Variants in KPNA4 observed in about 807,000 individuals in gnomAD.
KPNA4 encodes the protein karyopherin subunit alpha 4, also known as importin subunit alpha-3.
KPNA4 carries 13 observed loss-of-function variants against 71.3 expected under a neutral mutation model. The observed-to-expected ratio is 0.18, with a 90% confidence interval of 0.12 to 0.29. The LOEUF is 0.29. Among genes scored for constraint, KPNA4 ranks in the 10% least tolerant of loss-of-function variants. The probability of loss-of-function intolerance (pLI) is 1.00; values close to 1 mark genes in which losing one functional copy is unlikely to be tolerated. For synonymous variants in KPNA4, 189 were observed against 195.2 expected, an observed-to-expected ratio of 0.97 and a Z score of 0.26; for missense variants, 334 against 603.2, an observed-to-expected ratio of 0.55 and a Z score of 4.67.
chr3:160,553,626 T>G (rs1159564522), intron 1 of KPNA4, among the ~76,000 whole-genome samples: 2 of 152,172 alleles, frequency 1.3e-5, no homozygotes, highest in Non-Finnish European at 2.9e-5. Context: ...GTTCCTTGCA[T>G]TCTTAAAAGC....
chr3:160,505,079 A>G (rs1394687024), intron 15 of KPNA4, 27 bp from the exon 16 acceptor site: 1 of 1,238,134 alleles, frequency 8.1e-7, no homozygotes, highest in Admixed American at 2.3e-5. Flanking sequence ...AATGTGAAAC[A>G]ATAGTAATAT....
intron 1 of KPNA4, among the ~76,000 whole-genome samples, chr3:160,549,027 A>C (rs1209508669): frequency 6.6e-6 from 1 of 152,182 alleles, no homozygotes; most frequent in African/African-American, 2.4e-5. Flanking sequence ...GCATTTCCCT[A>C]ATGATTACTG....
intron 10 of KPNA4, among the ~76,000 whole-genome samples, chr3:160,522,624 A>C (rs1005736548): frequency 6.6e-6 from 1 of 152,136 alleles, no homozygotes; most frequent in Non-Finnish European, 1.5e-5. Flanking sequence ...CGCCTGGCTA[A>C]GTTTTGGCAT....
intron 1 of KPNA4, among the ~76,000 whole-genome samples, chr3:160,540,138 T>C (rs1055792412): frequency 1.3e-5 from 2 of 151,800 alleles, no homozygotes; most frequent in African/African-American, 4.8e-5. Context: ...TAGCTGGGAC[T>C]ACAGGCTCAT....
At position 160,531,775 on chromosome 3, in the gene KPNA4, T is replaced by C. The variant is rs548784744; in HGVS notation, c.288-218A>G. ...TGACAAATAATTAGAAAAATAAGAA[T>C]GTAGATATGAACCACTTTACTACCT... On this transcript the variant is annotated intron_variant, in intron 5 of 16. Coordinates refer to ENST00000334256, the MANE Select transcript of KPNA4 (RefSeq NM_002268.5). 9.8e-5 allele frequency among the ~76,000 whole-genome samples: 15 copies of C among 152,296 alleles called. No homozygotes were observed. In the East Asian group the frequency reaches 2.3e-3, roughly 23 times the overall value.
At chr3:160,542,913 T>C (rs1721831152) in intron 1 of KPNA4, among the ~76,000 whole-genome samples, 1 of 152,200 alleles carries the variant, frequency 6.6e-6, no homozygotes, top group South Asian at 2.1e-4. Context: ...TATTAGTACA[T>C]AAATATAATT....
chr3:160,559,589 T>C (rs1026387420), intron 1 of KPNA4, among the ~76,000 whole-genome samples: 4 of 152,296 alleles, frequency 2.6e-5, no homozygotes, highest in Admixed American at 1.3e-4. Flanking sequence ...AGTTCACTCA[T>C]GTGGCTTCAG....
Position 160,550,269 on chromosome 3 carries a change from C to A in KPNA4, c.70-13429G>T, listed in dbSNP as rs1032551135. Among the ~76,000 whole-genome samples, 5 of 152,218 alleles carry A rather than the reference C, an allele frequency of 3.3e-5. No homozygotes were observed. In the East Asian group the frequency reaches 9.7e-4, roughly 29 times the overall value. On this transcript the variant is annotated intron_variant, in intron 1 of 16. Transcript: ENST00000334256. ...GAAGAGAAATGCCAAGGGTGAGCAT[C>A]CTTGTTTGTTTTGTTTTGAAAGAGT...
chr3:160,516,507 C>A (rs1413251908), intron 11 of KPNA4, among the ~76,000 whole-genome samples: 1 of 151,646 alleles, frequency 6.6e-6, no homozygotes, highest in Non-Finnish European at 1.5e-5. Context: ...CAGCTAGGTG[C>A]AGTGGCTCAC....
chr3:160,531,636 T>C (rs1721576870), intron 5 of KPNA4, 79 bp from the exon 6 acceptor site: 4 of 686,988 alleles, frequency 5.8e-6, no homozygotes, highest in Non-Finnish European at 9.1e-6. Context: ...ATTTGACAAA[T>C]ATTAACATAA....
At chr3:160,550,213 C>A (rs1257448963) in intron 1 of KPNA4, among the ~76,000 whole-genome samples, 1 of 152,218 alleles carries the variant, frequency 6.6e-6, no homozygotes, top group East Asian at 1.9e-4. Flanking sequence ...TCTTGCCCAA[C>A]TGCTCTAGCT....
At chr3:160,547,072 C>T (rs549969800) in intron 1 of KPNA4, among the ~76,000 whole-genome samples, 7 of 152,022 alleles carry the variant, frequency 4.6e-5, no homozygotes, top group Admixed American at 4.6e-4. Context: ...AGTATGTAGG[C>T]GACATGTGCA....
chr3:160,531,578 C>A (rs1316845808), intron 5 of KPNA4, 21 bp from the exon 6 acceptor site: 1 of 1,246,454 alleles, frequency 8.0e-7, no homozygotes, highest in South Asian at 1.5e-5. Flanking sequence ...TAAAAACACT[C>A]CTGTGAAACT....
chr3:160,523,541 A>G (rs1721399731), intron 10 of KPNA4, among the ~76,000 whole-genome samples: 1 of 151,808 alleles, frequency 6.6e-6, no homozygotes, highest in Non-Finnish European at 1.5e-5. Flanking sequence ...TAATGTAAAA[A>G]GAAGACATCA....
At chr3:160,515,667 T>C in intron 11 of KPNA4, 87 bp from the exon 12 acceptor site, 1 of 1,439,518 alleles carries the variant, frequency 6.9e-7, no homozygotes, top group Non-Finnish European at 9.4e-7. Context: ...CAGGGTAGAG[T>C]GCAGTGGTGC....
Position 160,515,565 on chromosome 3 carries a change from C to T in KPNA4, c.919G>A (p.Ala307Thr). 4.3e-6 allele frequency: 7 copies of T among 1,613,446 alleles called. No individual in the cohort carries two copies. The highest frequency in any genetic ancestry group is 5.9e-6 in the Non-Finnish European group (7 of 1,179,706). ...GTTCCAGTAACAATGTTGCCCACAGCTCTAAGTGCAGCAGTCTGAAATGCA... is the reference window on the plus strand; with the variant it reads ...GTTCCAGTAACAATGTTGCCCACAGTTCTAAGTGCAGCAGTCTGAAATGCA... Reference protein sequence around the residue: ...EVKVQTAALRAVGNIVTGTDE... With the variant: ...EVKVQTAALRTVGNIVTGTDE... Residue 307 changes from alanine (A) to threonine (T), a missense_variant, in exon 12 of 17, where the codon GCT becomes ACT. By Grantham distance (58) the Ala-to-Thr change is moderately conservative (BLOSUM62 0). Coordinates refer to ENST00000334256, the MANE Select transcript of KPNA4 (RefSeq NM_002268.5).
At chr3:160,532,624 T>C (rs1721596346) in intron 5 of KPNA4, among the ~76,000 whole-genome samples, 1 of 152,212 alleles carries the variant, frequency 6.6e-6, no homozygotes, top group Non-Finnish European at 1.5e-5. Flanking sequence ...GTCCTCAGTG[T>C]GGCCTAATCA....
At chr3:160,518,292 C>T (rs938843126) in intron 11 of KPNA4, among the ~76,000 whole-genome samples, 5 of 151,674 alleles carry the variant, frequency 3.3e-5, no homozygotes, top group African/African-American at 7.2e-5. Context: ...CCCGCTACCA[C>T]GCCCGGCTAA....
At position 160,496,210 on chromosome 3, in the gene KPNA4, C is replaced by A. The variant is rs1204044558; in HGVS notation, c.*5894G>T. The A allele has an allele frequency of 1.3e-5, 2 of 152,522 alleles. No homozygotes were observed. Among genetic ancestry groups the A allele is most frequent in the African/African-American group, 4.8e-5 (2 of 41,412 alleles). 9.4% of individuals were successfully genotyped at this position (152,522 alleles called of 1,614,324 possible). A position where few individuals can be genotyped will look rare whatever the true frequency, so the allele number is the denominator to read the frequency against. ...GGCTGAGGCAGGAGAATCGCTTGAA[C>A]CTAGGAGGTGGAGGTTGCAGTGAGC... On this transcript the variant is annotated 3_prime_UTR_variant, in exon 17 of 17. Coordinates refer to ENST00000334256, the MANE Select transcript of KPNA4 (RefSeq NM_002268.5).
Sources: gnomAD v4.1 joint callset for allele counts (sites outside exome capture counted in the v4.1 genomes callset) on GRCh38, gnomAD v4.1.1 for gene constraint, MANE v1.5 for transcripts, NCBI Gene and HGNC (gene_info 2026-07-23, HGNC 2026-07-21) for gene names.